Variants in CENPH observed in about 807,000 individuals in gnomAD.
CENPH encodes the protein centromere protein H.
CENPH carries 40 observed loss-of-function variants against 42.9 expected under a neutral mutation model. The observed-to-expected ratio is 0.93, with a 90% CI of 0.72 to 1.21. The LOEUF (loss-of-function observed/expected upper bound fraction) is 1.21, where lower values mean the gene tolerates loss of function less well. Among genes scored for constraint, CENPH ranks in the 50% most tolerant of loss-of-function variants. The pLI, the probability that CENPH is intolerant of heterozygous loss-of-function variation, is 0.00. For synonymous variants in CENPH, 88 were observed against 96.5 expected, an observed-to-expected ratio of 0.91 and a Z score of 0.52; for missense variants, 302 against 292.9, an observed-to-expected ratio of 1.03 and a Z score of -0.23.
chr5:69,190,759 G>C (rs989061573), intron 1 of CENPH, among the ~76,000 whole-genome samples: 1 of 151,908 alleles, frequency 6.6e-6, no homozygotes, highest in Non-Finnish European at 1.5e-5. Context: ...GCGTGGTGGC[G>C]GGCGCCTGTA....
intron 5 of CENPH, chr5:69,197,330 C>A: frequency 2.6e-6 from 1 of 377,434 alleles, no homozygotes; most frequent in Non-Finnish European, 4.7e-6. Flanking sequence ...AAGAGTTTAT[C>A]CAGAAGATTG....
chr5:69,193,024 G>A (rs1747902398), intron 2 of CENPH, among the ~76,000 whole-genome samples: 1 of 151,980 alleles, frequency 6.6e-6, no homozygotes, highest in Non-Finnish European at 1.5e-5. Context: ...TTGAACCTGG[G>A]AGGTGGAGGT....
rs748924659 is a variant in CENPH, at chr5:69,189,656, C to G, written c.22C>G (p.Gln8Glu). The G allele has an allele frequency of 1.9e-6, 3 of 1,601,586 alleles. No homozygotes were observed. Among genetic ancestry groups the G allele is most frequent in the East Asian group, 2.2e-5 (1 of 44,488 alleles). ...AGCAATGGAGGAGCAGCCCCAGATG[C>G]AAGACGCCGACGAGCCCGCGGACTC... is the stretch of plus-strand genomic sequence containing the variant. MEEQPQM[Q>E]DADEPADSGG... The change falls in exon 1 of 9, where the codon CAA (glutamine) becomes GAA (glutamate). Residue 8 changes from glutamine (Q) to glutamate (E), a missense_variant. Physicochemically the swap from Gln to Glu is conservative, Grantham distance 29. Coordinates refer to ENST00000283006, the MANE Select transcript of CENPH (RefSeq NM_022909.4).
rs1422485919 is a variant in CENPH, at chr5:69,208,376, C to A, written c.651+17C>A. On this transcript the variant is annotated intron_variant, in intron 8 of 8. Coordinates refer to ENST00000283006, the MANE Select transcript of CENPH (RefSeq NM_022909.4). ...GTGTTCCAGGTAACATTTATATAAACTAGCAAGAGTTTTAATCTTGTTGCC... is the reference window on the plus strand; with the variant it reads ...GTGTTCCAGGTAACATTTATATAAAATAGCAAGAGTTTTAATCTTGTTGCC... 1 of 1,525,944 alleles carries A rather than the reference C, an allele frequency of 6.6e-7. No homozygotes were observed. Among genetic ancestry groups the A allele is most frequent in the Non-Finnish European group, 9.0e-7 (1 of 1,110,810 alleles). The allele number at this position is 1,525,944 out of a possible 1,614,324, so 94.5% of individuals were successfully genotyped here.
intron 5 of CENPH, among the ~76,000 whole-genome samples, chr5:69,197,901 C>T: frequency 7.5e-6 from 1 of 133,672 alleles, no homozygotes; most frequent in African/African-American, 2.8e-5. Context: ...CCTCAGAGGT[C>T]TTACCTATGA....
intron 7 of CENPH, among the ~76,000 whole-genome samples, chr5:69,207,173 C>T (rs928003835): frequency 6.6e-6 from 1 of 151,828 alleles, no homozygotes; most frequent in African/African-American, 2.4e-5. Flanking sequence ...ATGTTTATCC[C>T]TGGAGAGGGG....
At chr5:69,193,815 C>G (rs1329231662) in intron 2 of CENPH, among the ~76,000 whole-genome samples, 1 of 151,852 alleles carries the variant, frequency 6.6e-6, no homozygotes, top group Non-Finnish European at 1.5e-5. Flanking sequence ...CCATGGCCGG[C>G]TAATTTTTGT....
intron 1 of CENPH, among the ~76,000 whole-genome samples, chr5:69,190,786 A>G (rs1031293702): frequency 1.3e-5 from 2 of 152,068 alleles, no homozygotes; most frequent in Non-Finnish European, 2.9e-5. Context: ...GCTACTCAGG[A>G]GGCTGAGGCA....
chr5:69,191,967 C>A, intron 2 of CENPH, 117 bp downstream of exon 2: 1 of 569,480 alleles, frequency 1.8e-6, no homozygotes, highest in South Asian at 2.4e-5. Context: ...TTTACTGCAG[C>A]CTCAGCCTCC....
At chr5:69,195,612 T>C in intron 3 of CENPH, 105 bp from the exon 4 acceptor site, 1 of 660,342 alleles carries the variant, frequency 1.5e-6, no homozygotes, top group Non-Finnish European at 2.7e-6. Context: ...TACTTGTATT[T>C]AGATAGAGGT....
chr5:69,207,404 G>T (rs1368375871), intron 7 of CENPH, among the ~76,000 whole-genome samples: 2 of 151,960 alleles, frequency 1.3e-5, no homozygotes, highest in East Asian at 3.9e-4. Context: ...GGCGGGGCTG[G>T]TCTCGAACTC....
Position 69,202,434 on chromosome 5 carries a change from A to G in CENPH, c.372-72A>G. ...TAAGTTTTCACTCATTGATTCCTTC[A>G]TTAATGACAGCTATTATTTTTAATT... On this transcript the variant is annotated intron_variant, in intron 5 of 8. Coordinates refer to ENST00000283006, the MANE Select transcript of CENPH (RefSeq NM_022909.4). 4.7e-6 allele frequency: 4 copies of G among 853,806 alleles called. No homozygotes were observed. In the South Asian group the frequency reaches 6.3e-5, roughly 13 times the overall value. 52.9% of individuals were successfully genotyped at this position (853,806 alleles called of 1,614,324 possible).
chr5:69,197,457 C>T (rs1238551052), intron 5 of CENPH: 2 of 174,056 alleles, frequency 1.1e-5, no homozygotes, highest in East Asian at 1.5e-4. Flanking sequence ...ATATACTCCT[C>T]ATTTTTTATT....
intron 7 of CENPH, among the ~76,000 whole-genome samples, chr5:69,204,935 T>TTTTTTTTTG (rs1207437017): frequency 1.5e-5 from 2 of 134,508 alleles, no homozygotes; most frequent in Non-Finnish European, 3.2e-5. Flanking sequence ...TTTTTTTTTT[T>TTTTTTTTTG]TGAGATGGAG....
intron 5 of CENPH, among the ~76,000 whole-genome samples, chr5:69,199,001 A>G (rs879373320): frequency 7.2e-5 from 11 of 152,024 alleles, no homozygotes; most frequent in Admixed American, 1.3e-4. Context: ...GGAGAGCAGG[A>G]CAGATTCATC....
Position 69,191,850 on chromosome 5 carries a change from A to C in CENPH, c.190A>C (p.Ser64Arg). The C allele has an allele frequency of 6.6e-7, 1 of 1,511,850 alleles. No individual in the cohort carries two copies. The highest frequency in any genetic ancestry group is 9.2e-7 in the Non-Finnish European group (1 of 1,089,272). 93.7% of individuals were successfully genotyped at this position (1,511,850 alleles called of 1,614,324 possible). ...AGAATATAAATCAATGGTTGATGCA[A>C]GTAAGTATTTTCATTTTCAAATTAG... Reference protein sequence around the residue: ...LLEYKSMVDASEEKTPEQIMQ... With the variant: ...LLEYKSMVDAREEKTPEQIMQ... The change falls in exon 2 of 9, where the codon AGT becomes CGT. Residue 64 changes from serine (S) to arginine (R), a missense_variant and splice_region_variant. Transcript: ENST00000283006.
chr5:69,206,779 TCA>T lies in CENPH; in HGVS notation c.488-1415_488-1414del, dbSNP rs552827403. ...CCACAGTGCTGATAACAGGCATGAG[TCA>T]CTGCACCCTGCTCAGATTTGTCATT... is the stretch of plus-strand genomic sequence containing the variant. On this transcript the variant is annotated intron_variant, in intron 7 of 8. Transcript: ENST00000283006. Among the ~76,000 whole-genome samples, 26 of 152,254 alleles carry T rather than the reference TCA, an allele frequency of 1.7e-4. No homozygotes were observed. The South Asian group carries it at 4.8e-3, about 28-fold the overall frequency.
intron 7 of CENPH, among the ~76,000 whole-genome samples, chr5:69,207,440 C>T (rs1342245385): frequency 2.2e-4 from 33 of 151,758 alleles, no homozygotes; most frequent in African/African-American, 7.2e-4. Context: ...CCGCCCACCT[C>T]GGCCTCCCAA....
Position 69,197,136 on chromosome 5 carries a change from G to A in CENPH, c.371+27G>A, listed in dbSNP as rs375170731. 6.7e-5 allele frequency: 95 copies of A among 1,426,592 alleles called. No individual in the cohort carries two copies. In the African/African-American group the frequency reaches 8.2e-4, roughly 12 times the overall value. The allele number at this position is 1,426,592 out of a possible 1,614,324, so 88.4% of individuals were successfully genotyped here. A position where few individuals can be genotyped will look rare whatever the true frequency, so the allele number is the denominator to read the frequency against. On this transcript the variant is annotated intron_variant, in intron 5 of 8. Coordinates refer to ENST00000283006, the MANE Select transcript of CENPH (RefSeq NM_022909.4). ...TATGATTTTTTTTTTCTCTGGATTC[G>A]GTAAGGATGGGATCTGCATAGTGAC...
Sources: gnomAD v4.1 joint callset for allele counts (sites outside exome capture counted in the v4.1 genomes callset) on GRCh38, gnomAD v4.1.1 for gene constraint, MANE v1.5 for transcripts, NCBI Gene and HGNC (gene_info 2026-07-23, HGNC 2026-07-21) for gene names.